FRMD4A: variants seen among roughly 807,000 people sequenced by gnomAD.
FRMD4A encodes the protein FERM domain containing 4A.
Under a neutral mutation model 129.1 loss-of-function variants are expected in FRMD4A, and 29 were observed. The ratio of observed to expected loss-of-function variants is 0.22; its 90% CI spans 0.17 to 0.31. FRMD4A has a LOEUF of 0.31. Ranked by LOEUF, FRMD4A falls within the 10% of genes least tolerant of loss-of-function variation. FRMD4A has a pLI of 1.00. For synonymous variants in FRMD4A, 634 were observed against 571.6 expected, an observed-to-expected ratio of 1.11 and a Z score of -1.56; for missense variants, 1,272 against 1,375.8, an observed-to-expected ratio of 0.92 and a Z score of 1.19.
At chr10:14,135,826 A>C (rs1839505221) in intron 2 of FRMD4A, among the ~76,000 whole-genome samples, 1 of 152,248 alleles carries the variant, frequency 6.6e-6, no homozygotes, top group South Asian at 2.1e-4. Context: ...ACTTCCCGCA[A>C]ATAGAACATT....
intron 2 of FRMD4A, among the ~76,000 whole-genome samples, chr10:14,077,808 T>A (rs555171559): frequency 7.9e-5 from 12 of 152,332 alleles, no homozygotes; most frequent in African/African-American, 2.9e-4. Flanking sequence ...AAATTGCATC[T>A]TCTGAAATAC....
intron 2 of FRMD4A, among the ~76,000 whole-genome samples, chr10:14,207,354 A>G (rs1010034003): frequency 6.6e-6 from 1 of 152,112 alleles, no homozygotes; most frequent in Non-Finnish European, 1.5e-5. Flanking sequence ...TTTATTGTGC[A>G]CTTAATTTCT....
chr10:13,890,917 T>C, intron 2 of FRMD4A: 1 of 940,276 alleles, frequency 1.1e-6, no homozygotes, highest in Non-Finnish European at 1.3e-6. Context: ...GAACAGTTAC[T>C]CTGCTAACAG....
intron 3 of FRMD4A, among the ~76,000 whole-genome samples, chr10:13,823,972 G>A (rs1781878692): frequency 6.6e-6 from 1 of 152,152 alleles, no homozygotes. Flanking sequence ...GCTGGCATTC[G>A]AAGACTGTGT....
chr10:13,890,589 G>T (rs534434433), intron 2 of FRMD4A: 21 of 985,052 alleles, frequency 2.1e-5, no homozygotes, highest in Non-Finnish European at 2.5e-5. Flanking sequence ...ACTTAGAAAT[G>T]TGCCTGTCTA....
chr10:13,875,405 TC>T (rs1040552176), intron 2 of FRMD4A, among the ~76,000 whole-genome samples: 2 of 152,098 alleles, frequency 1.3e-5, no homozygotes, highest in Non-Finnish European at 2.9e-5. Flanking sequence ...TCCATGTATT[TC>T]CCCCCAGTGA....
At chr10:13,749,857 T>C (rs1285675714) in intron 8 of FRMD4A, among the ~76,000 whole-genome samples, 4 of 151,454 alleles carry the variant, frequency 2.6e-5, no homozygotes. Flanking sequence ...TGCACAGTGA[T>C]GCATGCCTGT....
At chr10:14,121,317 A>T (rs1053680519) in intron 2 of FRMD4A, among the ~76,000 whole-genome samples, 1 of 152,212 alleles carries the variant, frequency 6.6e-6, no homozygotes, top group African/African-American at 2.4e-5. Flanking sequence ...GCAGTTAGCC[A>T]AGGTCGCACT....
chr10:14,280,994 T>C (rs1402674686), intron 2 of FRMD4A, among the ~76,000 whole-genome samples: 2 of 141,452 alleles, frequency 1.4e-5, no homozygotes, highest in African/African-American at 5.5e-5. Flanking sequence ...TTTTTTTTTT[T>C]TTTTTTTTTT....
At chr10:14,035,752 T>C (rs904944588) in intron 2 of FRMD4A, among the ~76,000 whole-genome samples, 1 of 152,202 alleles carries the variant, frequency 6.6e-6, no homozygotes, top group Non-Finnish European at 1.5e-5. Context: ...TAGTTTTTAA[T>C]ACAGCCTCAC....
At chr10:14,191,519 C>T (rs1024590683) in intron 2 of FRMD4A, among the ~76,000 whole-genome samples, 16 of 152,122 alleles carry the variant, frequency 1.1e-4, no homozygotes, top group South Asian at 4.1e-4. Context: ...TACAATCGAC[C>T]GCTCCCCTCT....
chr10:13,854,484 G>C (rs1399906502), intron 3 of FRMD4A, among the ~76,000 whole-genome samples: 2 of 151,898 alleles, frequency 1.3e-5, no homozygotes, highest in South Asian at 2.1e-4. Context: ...GCAGTGGTGT[G>C]ATCTTGGCTC....
At position 13,679,182 on chromosome 10, in the gene FRMD4A, G is replaced by C. The variant is rs1031134289; in HGVS notation, c.1118-4138C>G. 4.0e-5 allele frequency among the ~76,000 whole-genome samples: 6 copies of C among 151,580 alleles called. No individual in the cohort carries two copies. In the South Asian group the frequency reaches 1.0e-3, roughly 26 times the overall value. ...CTCACGCTTGTAATCCCAGCACTTTGGGAGGCTGAGGCAGGTGGGTCACGA... is the reference window on the plus strand; with the variant it reads ...CTCACGCTTGTAATCCCAGCACTTTCGGAGGCTGAGGCAGGTGGGTCACGA... On this transcript the variant is annotated intron_variant, in intron 15 of 24. Transcript: ENST00000357447.
At chr10:13,730,859 C>CAAAAAAAG (rs1373950218) in intron 12 of FRMD4A, among the ~76,000 whole-genome samples, 1 of 90,854 alleles carries the variant, frequency 1.1e-5, no homozygotes, top group East Asian at 3.4e-4. Context: ...ACTAAAAATA[C>CAAAAAAAG]AAAAAAAAAA....
At chr10:14,066,496 G>C (rs1013826481) in intron 2 of FRMD4A, among the ~76,000 whole-genome samples, 3 of 152,166 alleles carry the variant, frequency 2.0e-5, no homozygotes, top group Non-Finnish European at 4.4e-5. Flanking sequence ...AAGATAAAGA[G>C]TGTGAAGTTG....
rs1006995983 is a variant in FRMD4A, at chr10:13,657,213, T to C, written c.2376A>G (p.Ala792=). 1.3e-6 allele frequency: 2 copies of C among 1,547,520 alleles called. No individual in the cohort carries two copies. Among genetic ancestry groups the C allele is most frequent in the Non-Finnish European group, 1.7e-6 (2 of 1,153,270 alleles). ...RQRQRQRAAG[A]LGSASSGSMP... Reference sequence around the variant, plus strand: ...TGCTGCCCGAGCTGGCTGAGCCCAGTGCGCCCGCCGCCCGCTGCCGCTGCC... The same window carrying C: ...TGCTGCCCGAGCTGGCTGAGCCCAGCGCGCCCGCCGCCCGCTGCCGCTGCC... Residue 792 remains alanine (A), a synonymous_variant, in exon 22 of 25, where the codon GCA becomes GCG. Transcript: ENST00000357447.
intron 2 of FRMD4A, among the ~76,000 whole-genome samples, chr10:14,010,052 CA>C (rs1198495848): frequency 6.6e-6 from 1 of 152,048 alleles, no homozygotes; most frequent in Non-Finnish European, 1.5e-5. Flanking sequence ...AGGATAGGCA[CA>C]CTTTCAGAAC....
At chr10:14,164,310 C>T (rs1841058054) in intron 2 of FRMD4A, among the ~76,000 whole-genome samples, 1 of 152,184 alleles carries the variant, frequency 6.6e-6, no homozygotes, top group South Asian at 2.1e-4. Context: ...GGGCGACCTG[C>T]GCCTGGTCCC....
chr10:13,682,131 G>C (rs2084654371), intron 15 of FRMD4A, among the ~76,000 whole-genome samples: 1 of 152,154 alleles, frequency 6.6e-6, no homozygotes, highest in South Asian at 2.1e-4. Flanking sequence ...GGCTGAGATG[G>C]GAGAATTCCT....
Sources: gnomAD v4.1 joint callset for allele counts (sites outside exome capture counted in the v4.1 genomes callset) on GRCh38, gnomAD v4.1.1 for gene constraint, MANE v1.5 for transcripts, NCBI Gene and HGNC (gene_info 2026-07-23, HGNC 2026-07-21) for gene names.